PNO1: variants seen among roughly 807,000 people sequenced by gnomAD.
PNO1 encodes RNA-binding protein PNO1.
Under a neutral mutation model 28.4 loss-of-function variants are expected in PNO1, and 16 were observed. The observed-to-expected ratio is 0.56, with a 90% CI of 0.38 to 0.85. The LOEUF (loss-of-function observed/expected upper bound fraction) is 0.85, where lower values mean the gene tolerates loss of function less well. PNO1 is among the 40% of genes least tolerant of loss of function. The probability of loss-of-function intolerance (pLI) is 0.00; values close to 1 mark genes in which losing one functional copy is unlikely to be tolerated. For missense variants in PNO1, 304 were observed against 312.2 expected (o/e 0.97, Z 0.20); for synonymous variants, 115 against 110.8 (o/e 1.04, Z -0.24).
At chr2:68,168,264 G>A (rs1414344763) in intron 5 of PNO1, among the ~76,000 whole-genome samples, 1 of 152,200 alleles carries the variant, frequency 6.6e-6, no homozygotes, top group Admixed American at 6.5e-5. Context: ...TTGGGGTGGA[G>A]ACTTAACATT....
At chr2:68,163,514 G>A (rs1052759854) in intron 5 of PNO1, among the ~76,000 whole-genome samples, 2 of 151,984 alleles carry the variant, frequency 1.3e-5, no homozygotes, top group African/African-American at 4.8e-5. Flanking sequence ...CTGGGCGACA[G>A]AGTGAGACTC....
At chr2:68,162,128 G>T (rs11886320) in intron 3 of PNO1, 137 bp from the exon 4 acceptor site, 10,117 of 637,168 alleles carry the variant, frequency 0.016, 506 homozygotes, top group African/African-American at 0.16. Context: ...GACAGCGTAA[G>T]ACTCTGTCTC....
intron 2 of PNO1, among the ~76,000 whole-genome samples, chr2:68,161,038 T>C (rs1673815598): frequency 6.6e-6 from 1 of 152,274 alleles, no homozygotes; most frequent in Non-Finnish European, 1.5e-5. Context: ...GGTAGTCATA[T>C]CACTTAACAT....
chr2:68,167,566 C>T (rs568098204), intron 5 of PNO1, among the ~76,000 whole-genome samples: 1 of 152,216 alleles, frequency 6.6e-6, no homozygotes. Context: ...GATAGCCTAT[C>T]CTTTCCTGCA....
chr2:68,161,079 T>C (rs897120785), intron 2 of PNO1: 11 of 384,174 alleles, frequency 2.9e-5, no homozygotes, highest in Non-Finnish European at 5.9e-5. Flanking sequence ...AGAGTTATGG[T>C]GTGTAAAGCA....
Position 68,173,392 on chromosome 2 carries a change from A to G in PNO1, c.666A>G (p.Arg222=), listed in dbSNP as rs765783794. ...CCTTCCAAAATATCAAGATGGCAAGAACTGCCATTTGCAACCTAATCTTGG... is the reference window on the plus strand; with the variant it reads ...CCTTCCAAAATATCAAGATGGCAAGGACTGCCATTTGCAACCTAATCTTGG... ...LGSFQNIKMA[R]TAICNLILGN... Residue 222 remains arginine (R), a synonymous_variant, in exon 6 of 7, where the codon AGA becomes AGG. Transcript: ENST00000263657. The G allele has an allele frequency of 6.2e-7, 1 of 1,606,430 alleles. No homozygotes were observed.
At chr2:68,166,249 C>G (rs951367264) in intron 5 of PNO1, among the ~76,000 whole-genome samples, 1 of 152,142 alleles carries the variant, frequency 6.6e-6, no homozygotes, top group Non-Finnish European at 1.5e-5. Context: ...GGTTGAAAAT[C>G]CATGTATGTA....
intron 2 of PNO1, among the ~76,000 whole-genome samples, chr2:68,160,515 T>A (rs1411832964): frequency 6.6e-6 from 1 of 152,234 alleles, no homozygotes; most frequent in Non-Finnish European, 1.5e-5. Flanking sequence ...GCCTAAACTT[T>A]TCATGTGCTT....
At chr2:68,160,906 G>A (rs1435334637) in intron 2 of PNO1, among the ~76,000 whole-genome samples, 5 of 152,320 alleles carry the variant, frequency 3.3e-5, no homozygotes, top group East Asian at 1.9e-4. Flanking sequence ...TGTTGAATAC[G>A]TGGTCTCTTC....
intron 5 of PNO1, among the ~76,000 whole-genome samples, chr2:68,168,921 C>CTTTT (rs57701897): frequency 2.8e-3 from 205 of 72,360 alleles, no homozygotes; most frequent in Non-Finnish European, 3.3e-3. Context: ...CAGCTTTTTT[C>CTTTT]TTTTTTTTTT....
At chr2:68,160,545 G>A (rs1042434718) in intron 2 of PNO1, among the ~76,000 whole-genome samples, 8 of 152,126 alleles carry the variant, frequency 5.3e-5, no homozygotes, top group African/African-American at 1.7e-4. Flanking sequence ...ATTTATTGCA[G>A]GATAATCACT....
chr2:68,170,670 T>C (rs1273591534), intron 5 of PNO1, among the ~76,000 whole-genome samples: 1 of 140,102 alleles, frequency 7.1e-6, no homozygotes, highest in Non-Finnish European at 1.5e-5. Context: ...ATGGCGAGAA[T>C]CCGAGAGGCG....
intron 5 of PNO1, among the ~76,000 whole-genome samples, chr2:68,169,301 C>T (rs1674068740): frequency 1.3e-5 from 2 of 152,120 alleles, no homozygotes; most frequent in South Asian, 4.1e-4. Flanking sequence ...ACTAGTGGCA[C>T]TTTATGTGGG....
At chr2:68,159,044 A>T (rs1020745537) in intron 2 of PNO1, among the ~76,000 whole-genome samples, 1 of 152,174 alleles carries the variant, frequency 6.6e-6, no homozygotes, top group African/African-American at 2.4e-5. Flanking sequence ...CCATTACTGA[A>T]TATCAGTCAT....
chr2:68,164,436 A>T (rs905936171), intron 5 of PNO1, among the ~76,000 whole-genome samples: 3 of 152,174 alleles, frequency 2.0e-5, no homozygotes, highest in African/African-American at 2.4e-5. Flanking sequence ...AGCTGCAGGG[A>T]ACCACGATCG....
intron 5 of PNO1, among the ~76,000 whole-genome samples, chr2:68,172,058 C>T (rs4671877): frequency 0.74 from 113,015 of 151,992 alleles, 43,082 homozygotes; most frequent in African/African-American, 0.93. Flanking sequence ...GGGTGGAAAA[C>T]AAGACCCCAT....
chr2:68,161,830 G>C (rs1673839174), intron 3 of PNO1, 64 bp downstream of exon 3: 2 of 1,082,306 alleles, frequency 1.8e-6, no homozygotes, highest in East Asian at 2.4e-5. Flanking sequence ...CATTTCAATG[G>C]ATTAGGCATT....
At chr2:68,164,225 C>T (rs1673916171) in intron 5 of PNO1, among the ~76,000 whole-genome samples, 1 of 152,200 alleles carries the variant, frequency 6.6e-6, no homozygotes, top group Admixed American at 6.5e-5. Flanking sequence ...CATGGTGGCT[C>T]ACATCTGTAA....
At position 68,158,132 on chromosome 2, in the gene PNO1, C is replaced by T. The variant is rs928707020; in HGVS notation, c.198C>T (p.Asp66=). 6 of 1,599,654 alleles carry T rather than the reference C, an allele frequency of 3.8e-6. No homozygotes were observed. The Admixed American group carries it at 7.0e-5, about 19-fold the overall frequency. Residue 66 remains aspartate (D), a synonymous_variant, in exon 1 of 7, where the codon GAC becomes GAT. Transcript: ENST00000263657. ...CCGTCTTCCCACCCCTCTGTGGGGA[C>T]GGGCTCCTGGTATGTGGCTGGGACC... is the stretch of plus-strand genomic sequence containing the variant. The part of the protein sequence containing the change: ...KRPVFPPLCG[D]GLLSGKEETR...
Sources: gnomAD v4.1 joint callset for allele counts (sites outside exome capture counted in the v4.1 genomes callset) on GRCh38, gnomAD v4.1.1 for gene constraint, MANE v1.5 for transcripts, NCBI Gene and HGNC (gene_info 2026-07-23, HGNC 2026-07-21) for gene names.